Variants in ZDHHC21 observed in about 807,000 individuals in gnomAD.
ZDHHC21 encodes the protein palmitoyltransferase ZDHHC21.
Under a neutral mutation model 34.6 loss-of-function variants are expected in ZDHHC21, and 15 were observed. That is an observed-to-expected ratio of 0.43 (90% confidence interval 0.29 to 0.67). The LOEUF (loss-of-function observed/expected upper bound fraction) is 0.67, where lower values mean the gene tolerates loss of function less well. Among genes scored for constraint, ZDHHC21 ranks in the 30% least tolerant of loss-of-function variants. The pLI is 0.14. For missense variants in ZDHHC21, 344 were observed against 327.7 expected (o/e 1.05, Z -0.38); for synonymous variants, 142 against 101.8 (o/e 1.40, Z -2.38).
At chr9:14,658,244 T>C (rs189695757) in intron 7 of ZDHHC21, among the ~76,000 whole-genome samples, 57 of 152,248 alleles carry the variant, frequency 3.7e-4, no homozygotes, top group African/African-American at 1.2e-3. Context: ...AGCTCAACAC[T>C]AATAAATAAC....
chr9:14,606,463 T>C (rs559791646), downstream of ZDHHC21, among the ~76,000 whole-genome samples: 31 of 152,256 alleles, frequency 2.0e-4, no homozygotes, highest in Non-Finnish European at 2.6e-4. Flanking sequence ...GCATCAACCA[T>C]CAGGTATGCG....
rs1829768317 is a variant in ZDHHC21 at position 14,643,524 on chromosome 9, G to GAA, written c.505-3513_505-3512insTT. 2.0e-5 allele frequency among the ~76,000 whole-genome samples: 3 copies of GAA among 152,026 alleles called. No homozygotes were observed. In the South Asian group the frequency reaches 6.2e-4, roughly 32 times the overall value. On this transcript the variant is annotated intron_variant, in intron 7 of 9. Coordinates refer to ENST00000380916, the MANE Select transcript of ZDHHC21 (RefSeq NM_178566.6). ...TTATAAACTAAAGTCTTAATTTTAC[G>GAA]TAGTCCAATGTATCAATCTTTTCCT... is the stretch of plus-strand genomic sequence containing the variant.
chr9:14,627,737 C>T (rs536228413), intron 8 of ZDHHC21, among the ~76,000 whole-genome samples: 2 of 152,302 alleles, frequency 1.3e-5, no homozygotes, highest in South Asian at 4.1e-4. Flanking sequence ...CCAGCTGTTA[C>T]AGCACTTCTT....
intron 5 of ZDHHC21, among the ~76,000 whole-genome samples, chr9:14,668,832 A>G (rs1022088899): frequency 5.3e-5 from 7 of 132,078 alleles, no homozygotes; most frequent in Admixed American, 7.8e-5. Flanking sequence ...CCTTCCTTAC[A>G]CCTTATACAA....
chr9:14,684,290 T>C (rs1450344816), intron 2 of ZDHHC21, among the ~76,000 whole-genome samples: 1 of 151,864 alleles, frequency 6.6e-6, no homozygotes, highest in Non-Finnish European at 1.5e-5. Context: ...CATGATTGTG[T>C]ATTTAGAAAA....
Position 14,619,020 on chromosome 9 carries a change from A to G in ZDHHC21, c.744T>C (p.Pro248=), listed in dbSNP as rs1334379048. 2 of 1,612,440 alleles carry G rather than the reference A, an allele frequency of 1.2e-6. No homozygotes were observed. Among genetic ancestry groups the G allele is most frequent in the Middle Eastern group, 3.3e-4 (2 of 6,040 alleles). Reference sequence around the variant, plus strand: ...CTCGCAGTGGTTGCCTCTGCCTGAAAGGAATGAACCACAGGATCTTCCAAC... The same window carrying G: ...CTCGCAGTGGTTGCCTCTGCCTGAAGGGAATGAACCACAGGATCTTCCAAC... ...GTRWKILWFI[P]FRQRQPLRVP... is the part of the protein sequence containing the mutation. Residue 248 remains proline, a synonymous_variant, in exon 10 of 10, where the codon CCT becomes CCC. Transcript: ENST00000380916.
chr9:14,666,089 G>C (rs368476718), intron 5 of ZDHHC21, among the ~76,000 whole-genome samples: 1 of 149,574 alleles, frequency 6.7e-6, no homozygotes. Context: ...TCACTGTGCT[G>C]TATTCAGGAA....
At chr9:14,622,507 GA>G in intron 8 of ZDHHC21, 1 of 985,036 alleles carries the variant, frequency 1.0e-6, no homozygotes, top group Non-Finnish European at 1.2e-6. Context: ...TAAAGAGCAA[GA>G]ATTTATCACC....
Position 14,639,958 on chromosome 9 carries a change from C to T in ZDHHC21, c.559G>A (p.Gly187Ser), listed in dbSNP as rs753640390. 1 of 1,608,518 alleles carries T rather than the reference C, an allele frequency of 6.2e-7. No homozygotes were observed. Among genetic ancestry groups the T allele is most frequent in the Non-Finnish European group, 8.5e-7 (1 of 1,176,910 alleles). Reference protein sequence around the residue: ...LAIMRLAAFMGITMLVGITGL... With the variant: ...LAIMRLAAFMSITMLVGITGL... ...GTTATTCCAACTAACATAGTAATGC[C>T]CATAAAGGCTGCTAGTCTCATTATG... Residue 187 changes from glycine to serine, a missense_variant, in exon 8 of 10, where the codon GGC (glycine) becomes AGC (serine). Gly to Ser is a moderately conservative substitution (Grantham distance 56). Coordinates refer to ENST00000380916, the MANE Select transcript of ZDHHC21 (RefSeq NM_178566.6).
chr9:14,662,394 G>A, intron 5 of ZDHHC21, 68 bp from the exon 6 acceptor site: 1 of 1,197,434 alleles, frequency 8.4e-7, no homozygotes, highest in Admixed American at 2.5e-5. Context: ...ACCAACAGTT[G>A]TTTAGAAGAT....
chr9:14,638,480 T>C (rs1330410793), intron 8 of ZDHHC21, among the ~76,000 whole-genome samples: 1 of 152,000 alleles, frequency 6.6e-6, no homozygotes, highest in African/African-American at 2.4e-5. Context: ...GGACTTGGTC[T>C]AGATGAAAAT....
chr9:14,643,780 C>A (rs1481195271), intron 7 of ZDHHC21, among the ~76,000 whole-genome samples: 1 of 152,168 alleles, frequency 6.6e-6, no homozygotes, highest in African/African-American at 2.4e-5. Context: ...AATGACTTAT[C>A]TAAAAAGCTG....
chr9:14,689,934 T>C (rs1194225160), intron 2 of ZDHHC21, among the ~76,000 whole-genome samples: 1 of 152,012 alleles, frequency 6.6e-6, no homozygotes, highest in Non-Finnish European at 1.5e-5. Flanking sequence ...TGATACGAAT[T>C]AAAGACCACC....
Position 14,624,442 on chromosome 9 carries a change from A to T in ZDHHC21, c.622-4760T>A, listed in dbSNP as rs897707188. Reference sequence around the variant, plus strand: ...AACCTGTGTCTAACAGCAGATGAATAAAGTAAATATGGTATATATACACAA... The same window carrying T: ...AACCTGTGTCTAACAGCAGATGAATTAAGTAAATATGGTATATATACACAA... On this transcript the variant is annotated intron_variant, in intron 8 of 9. Transcript: ENST00000380916. Among the ~76,000 whole-genome samples the T allele has an allele frequency of 3.3e-5, 5 of 152,162 alleles. 1 individual carries two copies. The East Asian group carries it at 9.6e-4, about 29-fold the overall frequency.
chr9:14,629,446 G>A (rs1161261799), intron 8 of ZDHHC21, among the ~76,000 whole-genome samples: 1 of 152,086 alleles, frequency 6.6e-6, no homozygotes, highest in Non-Finnish European at 1.5e-5. Context: ...GAAATACCTC[G>A]AAGATATTGC....
the ZDHHC21 span, chr9:14,593,979 G>C: frequency 6.6e-6 from 1 of 152,092 alleles, no homozygotes; most frequent in African/African-American, 2.4e-5. Context: ...ACAGGGCCTA[G>C]TTTCTGAACT....
At chr9:14,683,083 G>C (rs1587460204) in intron 2 of ZDHHC21, among the ~76,000 whole-genome samples, 1 of 152,024 alleles carries the variant, frequency 6.6e-6, no homozygotes, top group South Asian at 2.1e-4. Context: ...AGAGAAAGCA[G>C]GGAAGATCTA....
chr9:14,678,675 A>T (rs1465204828), intron 3 of ZDHHC21, among the ~76,000 whole-genome samples: 1 of 152,106 alleles, frequency 6.6e-6, no homozygotes, highest in Non-Finnish European at 1.5e-5. Context: ...GTATTACCTA[A>T]AAAGTACTCC....
downstream of ZDHHC21, among the ~76,000 whole-genome samples, chr9:14,610,068 T>G (rs910673131): frequency 2.6e-5 from 4 of 152,076 alleles, no homozygotes; most frequent in Admixed American, 6.6e-5. Context: ...GTAATGAGTT[T>G]ATGTTTAAAT....
Sources: gnomAD v4.1 joint callset for allele counts (sites outside exome capture counted in the v4.1 genomes callset) on GRCh38, gnomAD v4.1.1 for gene constraint, MANE v1.5 for transcripts, NCBI Gene and HGNC (gene_info 2026-07-23, HGNC 2026-07-21) for gene names.